The following ZFYVE26 variants were observed in gnomAD, a reference collection of about 807,000 sequenced individuals.
ZFYVE26 encodes zinc finger FYVE domain-containing protein 26.
Under a neutral mutation model 276.5 loss-of-function variants are expected in ZFYVE26, and 181 were observed. The observed-to-expected ratio is 0.65, with a 90% CI of 0.58 to 0.74. The LOEUF is 0.74. Among genes scored for constraint, ZFYVE26 ranks in the 30% least tolerant of loss-of-function variants. The pLI is 0.00. For synonymous variants in ZFYVE26, 1,129 were observed against 1,203.1 expected, an observed-to-expected ratio of 0.94 and a Z score of 1.27; for missense variants, 2,821 against 3,097.9, an observed-to-expected ratio of 0.91 and a Z score of 2.12.
In ZFYVE26 at chr14:67,783,123, C is replaced by T. The variant is rs1201863887; in HGVS notation, c.4029G>A (p.Arg1343=). The T allele has an allele frequency of 1.9e-6, 3 of 1,609,062 alleles. No individual in the cohort carries two copies. Among genetic ancestry groups the T allele is most frequent in the South Asian group, 2.2e-5 (2 of 90,794 alleles). ...SLSWKELRGR[R]EVPLAAEQVA... is the part of the protein sequence containing the mutation. ...CCTGCTCTGCAGCCAGAGGCACCTC[C>T]CTGCGGCCACGAAGTTCCTTCCATG... is the stretch of plus-strand genomic sequence containing the variant. The change falls in exon 21 of 42, where the codon AGG becomes AGA. Residue 1343 remains arginine (R), a synonymous_variant. Coordinates refer to ENST00000347230, the MANE Select transcript of ZFYVE26 (RefSeq NM_015346.4).
intron 13 of ZFYVE26, among the ~76,000 whole-genome samples, chr14:67,735,691 G>C (rs918441132): frequency 6.6e-6 from 1 of 152,192 alleles, no homozygotes; most frequent in Admixed American, 6.5e-5. Flanking sequence ...AACTGCCCCA[G>C]TTCCACTGCC....
chr14:67,732,126 C>CA (rs71129854), intron 13 of ZFYVE26, among the ~76,000 whole-genome samples: 882 of 76,432 alleles, frequency 0.012, 4 homozygotes, highest in East Asian at 0.023. Context: ...GACTCTGTCT[C>CA]AAAAAAAAAA....
At chr14:67,754,004 C>G in intron 38 of ZFYVE26, 67 bp downstream of exon 38, 1 of 1,610,498 alleles carries the variant, frequency 6.2e-7, no homozygotes, top group Non-Finnish European at 8.5e-7. Flanking sequence ...CACTAGACAA[C>G]TGCAATTATG....
chr14:67,780,016 T>C lies in ZFYVE26; in HGVS notation c.4674+225A>G, dbSNP rs58159602. On this transcript the variant is annotated intron_variant, in intron 23 of 41. Coordinates refer to ENST00000347230, the MANE Select transcript of ZFYVE26 (RefSeq NM_015346.4). ...CCTCTGGAGTAGCTGGGACTACAGG[T>C]ACCCGCCACCACGCCTAGCTAATTT... Among the ~76,000 whole-genome samples, 9,670 of 152,086 alleles carry C rather than the reference T, an allele frequency of 0.064. 725 individuals are homozygous for C. Among genetic ancestry groups the C allele is most frequent in the African/African-American group, 0.18 (7,634 of 41,474 alleles).
intron 13 of ZFYVE26, chr14:67,733,670 C>T: frequency 1.0e-6 from 1 of 954,424 alleles, no homozygotes; most frequent in Non-Finnish European, 1.7e-6. Context: ...TAGAAACATT[C>T]TGAGAAAGGG....
intron 16 of ZFYVE26, among the ~76,000 whole-genome samples, 189 bp downstream of exon 16, chr14:67,789,146 A>G (rs2039741670): frequency 6.6e-6 from 1 of 152,172 alleles, no homozygotes; most frequent in Non-Finnish European, 1.5e-5. Context: ...GAATTTCCCC[A>G]AATTGCTATG....
chr14:67,784,268 G>T, intron 20 of ZFYVE26, 66 bp downstream of exon 20: 1 of 1,362,200 alleles, frequency 7.3e-7, no homozygotes, highest in Non-Finnish European at 1.1e-6. Context: ...ACCGCACTGA[G>T]CCCTTGGCTA....
chr14:67,764,298 G>C (rs1275082153), intron 32 of ZFYVE26, among the ~76,000 whole-genome samples: 1 of 152,180 alleles, frequency 6.6e-6, no homozygotes, highest in African/African-American at 2.4e-5. Context: ...GTAGGGATGG[G>C]GGAGAGGAAA....
Position 67,784,407 on chromosome 14 carries a change from A to T in ZFYVE26, c.3553T>A (p.Phe1185Ile). 1.2e-6 allele frequency: 2 copies of T among 1,614,170 alleles called. No homozygotes were observed. The highest frequency in any genetic ancestry group is 2.7e-5 in the African/African-American group (2 of 75,064). ...GAAGAGCTCTGTTGCAGCAGAACAA[A>T]GGGATTTCCTACCTTGACCTCCACA... The part of the protein sequence containing the change: ...DHVEVKVGNP[F>I]VLLQQSSSQL... Residue 1185 changes from phenylalanine to isoleucine, a missense_variant, in exon 20 of 42, where the codon TTT becomes ATT. Phe to Ile is a conservative substitution (Grantham distance 21). Coordinates refer to ENST00000347230, the MANE Select transcript of ZFYVE26 (RefSeq NM_015346.4).
rs753559385 is a variant in ZFYVE26, at chr14:67,798,223, G to A, written c.2039C>T (p.Ala680Val). 6.2e-7 allele frequency: 1 copy of A among 1,614,162 alleles called. No individual in the cohort carries two copies. Among genetic ancestry groups the A allele is most frequent in the Non-Finnish European group, 8.5e-7 (1 of 1,180,032 alleles). The change falls in exon 11 of 42, where the codon GCT becomes GTT. Residue 680 changes from alanine (A) to valine (V), a missense_variant. By Grantham distance (64) the Ala-to-Val change is moderately conservative (BLOSUM62 0). Transcript: ENST00000347230. ...HFTSGISGFLADEFAIGAFLR... is the reference protein window; with the variant it reads ...HFTSGISGFLVDEFAIGAFLR... ...GAAGGCCCCTATTGCAAATTCATCA[G>A]CCAGAAATCCACTGATACCACTAGT...
rs1302211028 is a variant in ZFYVE26 at position 67,798,519 on chromosome 14, C to A, written c.1743G>T (p.Leu581Phe). 1 of 1,613,982 alleles carries A rather than the reference C, an allele frequency of 6.2e-7. No individual in the cohort carries two copies. The highest frequency in any genetic ancestry group is 2.2e-5 in the East Asian group (1 of 44,890). The change falls in exon 11 of 42, where the codon TTG (leucine) becomes TTT (phenylalanine). Residue 581 changes from leucine to phenylalanine, a missense_variant. Physicochemically the swap from Leu to Phe is conservative, Grantham distance 22. Coordinates refer to ENST00000347230, the MANE Select transcript of ZFYVE26 (RefSeq NM_015346.4). ...GAAGATCAGCAGAGGTGATGAGAAG[C>A]AATGAGAAGATGTTTTCCAGAAGCT... ...CLELLENIFSLLLITSADLHP... is the reference protein window; with the variant it reads ...CLELLENIFSFLLITSADLHP...
chr14:67,762,096 G>T, intron 34 of ZFYVE26, 107 bp downstream of exon 34: 1 of 1,372,942 alleles, frequency 7.3e-7, no homozygotes, highest in Non-Finnish European at 1.0e-6. Flanking sequence ...TTGATGCTGA[G>T]CCAGGACTGA....
chr14:67,790,576 T>G lies in ZFYVE26; in HGVS notation c.2751A>C (p.Ala917=), dbSNP rs748448880. 18 of 1,613,340 alleles carry G rather than the reference T, an allele frequency of 1.1e-5. No homozygotes were observed. The highest frequency in any genetic ancestry group is 1.4e-5 in the Non-Finnish European group (17 of 1,179,892). Residue 917 remains alanine (A), a synonymous_variant, in exon 15 of 42, where the codon GCA becomes GCC. Transcript: ENST00000347230. The part of the protein sequence containing the change: ...STLQAIGSAA[A]AGMVFYSISD... ...GTGTTAGCAGGGAAGCCTGACCTGC[T>G]GCTGCAGCGCTGCCAATGGCCTGTA... is the stretch of plus-strand genomic sequence containing the variant.
At chr14:67,758,386 G>T (rs2140188593) in intron 35 of ZFYVE26, among the ~76,000 whole-genome samples, 1 of 152,302 alleles carries the variant, frequency 6.6e-6, no homozygotes, top group African/African-American at 2.4e-5. Flanking sequence ...GAACTTCCAT[G>T]CCATCCATTT....
At position 67,782,875 on chromosome 14, in the gene ZFYVE26, C is replaced by A. The variant is rs763295766; in HGVS notation, c.4277G>T (p.Trp1426Leu). Residue 1426 changes from tryptophan to leucine, a missense_variant, in exon 21 of 42, where the codon TGG becomes TTG. Transcript: ENST00000347230. ...AFEESLVARD[W>L]SRALQLTEVY... ...TTCAGTGAGCTGAAGGGCCCGGGAC[C>A]AATCTCTGGCCACCAAGGATTCCTC... 2.2e-5 allele frequency: 35 copies of A among 1,614,100 alleles called. No individual in the cohort carries two copies. In the East Asian group the frequency reaches 7.1e-4, roughly 33 times the overall value.
chr14:67,781,910 A>G (rs1042413671), intron 21 of ZFYVE26, among the ~76,000 whole-genome samples: 3 of 152,154 alleles, frequency 2.0e-5, no homozygotes, highest in Non-Finnish European at 4.4e-5. Context: ...TTTCCCTGTA[A>G]TTTCCACCCT....
Position 67,798,007 on chromosome 14 carries a change from C to T in ZFYVE26, c.2248+7G>A. 1 of 1,614,134 alleles carries T rather than the reference C, an allele frequency of 6.2e-7. No individual in the cohort carries two copies. Among genetic ancestry groups the T allele is most frequent in the Non-Finnish European group, 8.5e-7 (1 of 1,180,040 alleles). On this transcript the variant is annotated splice_region_variant and intron_variant, in intron 11 of 41. Transcript: ENST00000347230. ...TTCTGGTCCCACCAGTTCCACCCTTCTCTCACCTGAACGATGGTTGCTTGT... is the reference window on the plus strand; with the variant it reads ...TTCTGGTCCCACCAGTTCCACCCTTTTCTCACCTGAACGATGGTTGCTTGT...
chr14:67,786,497 C>T (rs2039663117), intron 16 of ZFYVE26, among the ~76,000 whole-genome samples: 2 of 152,242 alleles, frequency 1.3e-5, no homozygotes, highest in Non-Finnish European at 1.5e-5. Flanking sequence ...AATTGTTGTC[C>T]CAAGCCAAAT....
In ZFYVE26 at chr14:67,780,493, G is replaced by T. The variant is rs539053683; in HGVS notation, c.4570-148C>A. The T allele has an allele frequency of 1.2e-4, 90 of 743,488 alleles. No homozygotes were observed. The Admixed American group carries it at 1.4e-3, about 11-fold the overall frequency. The allele number at this position is 743,488 out of a possible 1,614,324, so 46.1% of individuals were successfully genotyped here. ...CTTGCCAGAAAAGAGAGCAAATTGG[G>T]CAAAGATTATTTAGAGAGCAGAGTG... On this transcript the variant is annotated intron_variant, in intron 22 of 41. Transcript: ENST00000347230.
Sources: allele counts gnomAD v4.1 joint callset (sites outside exome capture counted in the v4.1 genomes callset), GRCh38; gene constraint gnomAD v4.1.1; transcripts MANE v1.5; gene names NCBI Gene and HGNC (gene_info 2026-07-23, HGNC 2026-07-21).